The following PRKDC variants were observed in gnomAD, a reference collection of about 807,000 sequenced individuals.
The protein encoded by PRKDC is protein kinase, DNA-activated, catalytic subunit.
Under a neutral mutation model 486.9 loss-of-function variants are expected in PRKDC, and 82 were observed. The observed-to-expected ratio is 0.17, with a 90% confidence interval of 0.14 to 0.20. The LOEUF is 0.20. Among genes scored for constraint, PRKDC ranks in the 10% least tolerant of loss-of-function variants. PRKDC has a pLI of 1.00. For missense variants in PRKDC, 4,504 were observed against 5,038.2 expected (o/e 0.89, Z 3.21); for synonymous variants, 1,895 against 1,837.0 (o/e 1.03, Z -0.81).
intron 85 of PRKDC, 76 bp downstream of exon 85, chr8:47,776,768 T>C (rs2086615263): frequency 6.5e-7 from 1 of 1,538,892 alleles, no homozygotes; most frequent in Non-Finnish European, 8.9e-7. Flanking sequence ...CTCAGCACTT[T>C]GTATATATGT....
In PRKDC at chr8:47,947,475, T is replaced by C. The variant is rs77538735; in HGVS notation, c.722-3446A>G. On this transcript the variant is annotated intron_variant, in intron 7 of 85. Coordinates refer to ENST00000314191, the MANE Select transcript of PRKDC (RefSeq NM_006904.7). The stretch of plus-strand genomic sequence containing the variant: ...CCAAGTTCATCACTCTTTAGATAGA[T>C]GGCACCCATGGCCAGGCACAGTGCC... Among the ~76,000 whole-genome samples, 79 of 152,322 alleles carry C rather than the reference T, an allele frequency of 5.2e-4. 1 individual carries two copies. In the East Asian group the frequency reaches 0.014, roughly 28 times the overall value.
chr8:47,862,252 C>A, intron 43 of PRKDC, 121 bp downstream of exon 43: 1 of 1,340,366 alleles, frequency 7.5e-7, no homozygotes, highest in Non-Finnish European at 1.0e-6. Flanking sequence ...TATACCTATG[C>A]AGAATTAAAC....
At chr8:47,793,584 C>T (rs2086921659) in intron 74 of PRKDC, among the ~76,000 whole-genome samples, 1 of 149,580 alleles carries the variant, frequency 6.7e-6, no homozygotes, top group Non-Finnish European at 1.5e-5. Context: ...GAGGTTGCAG[C>T]CGAGATTGCA....
Position 47,828,369 on chromosome 8 carries a change from G to A in PRKDC, c.8398-22C>T, listed in dbSNP as rs749692925. Reference sequence around the variant, plus strand: ...CCCTCTGTAAAAAATTCAAAACAAAGACAAATTAGGATCTGAAGCAAAAAT... The same window carrying A: ...CCCTCTGTAAAAAATTCAAAACAAAAACAAATTAGGATCTGAAGCAAAAAT... On this transcript the variant is annotated intron_variant, in intron 61 of 85. Coordinates refer to ENST00000314191, the MANE Select transcript of PRKDC (RefSeq NM_006904.7). The A allele has an allele frequency of 8.5e-6, 13 of 1,529,870 alleles. No homozygotes were observed. The Admixed American group carries it at 2.8e-4, about 34-fold the overall frequency. 94.8% of individuals were successfully genotyped at this position (1,529,870 alleles called of 1,614,324 possible).
In PRKDC at chr8:47,885,958, C is replaced by T. The variant is rs371148497; in HGVS notation, c.4762G>A (p.Asp1588Asn). 4 of 1,613,126 alleles carry T rather than the reference C, an allele frequency of 2.5e-6. No individual in the cohort carries two copies. The highest frequency in any genetic ancestry group is 3.4e-6 in the Non-Finnish European group (4 of 1,179,258). Reference protein sequence around the residue: ...AVLELMQSSVDNTKMVSAVLN... With the variant: ...AVLELMQSSVNNTKMVSAVLN... ...AACTTTGTTACCATTTTGGTATTAT[C>T]CACTGAAGACTGCATGAGCTCCAAT... The change falls in exon 36 of 86, where the codon GAT (aspartate) becomes AAT (asparagine). Residue 1588 changes from aspartate to asparagine, a missense_variant. Transcript: ENST00000314191.
chr8:47,874,631 TG>T (rs1222315382), intron 40 of PRKDC, among the ~76,000 whole-genome samples: 1 of 151,676 alleles, frequency 6.6e-6, no homozygotes, highest in Non-Finnish European at 1.5e-5. Context: ...TGGTGGTGTG[TG>T]CCTGTAGTCT....
chr8:47,829,936 T>G (rs751521180), intron 61 of PRKDC, among the ~76,000 whole-genome samples: 3 of 152,230 alleles, frequency 2.0e-5, no homozygotes, highest in Admixed American at 6.5e-5. Context: ...ATTCTAAAAT[T>G]CATATGGAAC....
At chr8:47,836,314 G>A (rs1167531144) in intron 58 of PRKDC, 24 bp downstream of exon 58, 8 of 1,527,466 alleles carry the variant, frequency 5.2e-6, no homozygotes, top group Non-Finnish European at 7.0e-6. Flanking sequence ...TGTATACATG[G>A]CCAGCGGGCA....
At chr8:47,866,181 A>G in intron 40 of PRKDC, among the ~76,000 whole-genome samples, 2 of 142,854 alleles carry the variant, frequency 1.4e-5, no homozygotes, top group East Asian at 2.1e-4. Context: ...AAAAAAAAAG[A>G]GGCCCTAGAG....
At chr8:47,909,175 T>C (rs1388149542) in intron 25 of PRKDC, among the ~76,000 whole-genome samples, 3 of 152,236 alleles carry the variant, frequency 2.0e-5, no homozygotes, top group Admixed American at 2.0e-4. Flanking sequence ...CTGATGTTTC[T>C]TCTGTTGTGG....
chr8:47,954,175 T>C (rs975218676), intron 5 of PRKDC, among the ~76,000 whole-genome samples, 163 bp downstream of exon 5: 5 of 152,236 alleles, frequency 3.3e-5, no homozygotes, highest in African/African-American at 4.8e-5. Flanking sequence ...TGAAGGGAAG[T>C]CTTCACATGT....
intron 27 of PRKDC, among the ~76,000 whole-genome samples, chr8:47,902,281 C>G (rs946402426): frequency 6.6e-6 from 1 of 152,216 alleles, no homozygotes; most frequent in Non-Finnish European, 1.5e-5. Flanking sequence ...CTTGCTCACC[C>G]TGGATCAGCT....
intron 78 of PRKDC, among the ~76,000 whole-genome samples, chr8:47,783,247 C>T (rs941688114): frequency 6.9e-6 from 1 of 144,768 alleles, no homozygotes; most frequent in Admixed American, 7.1e-5. Context: ...CACTGCACTC[C>T]AGCCTGGCTG....
chr8:47,842,934 G>A (rs974242772), intron 54 of PRKDC, among the ~76,000 whole-genome samples: 1 of 152,188 alleles, frequency 6.6e-6, no homozygotes, highest in African/African-American at 2.4e-5. Context: ...GGAAGCTGAG[G>A]CAGGTAGATT....
intron 74 of PRKDC, among the ~76,000 whole-genome samples, chr8:47,789,983 T>C (rs976313436): frequency 2.6e-5 from 4 of 152,164 alleles, no homozygotes; most frequent in African/African-American, 9.7e-5. Flanking sequence ...ACTGAAAAAC[T>C]GAAAACCTTT....
rs1450338536 is a variant in PRKDC at position 47,782,508 on chromosome 8, C to T, written c.11266G>A (p.Glu3756Lys). 1.3e-6 allele frequency: 2 copies of T among 1,577,116 alleles called. No individual in the cohort carries two copies. The highest frequency in any genetic ancestry group is 1.7e-6 in the Non-Finnish European group (2 of 1,161,864). ...REHPFLVKGGEDLRQDQRVEQ... is the reference protein window; with the variant it reads ...REHPFLVKGGKDLRQDQRVEQ... The stretch of plus-strand genomic sequence containing the variant: ...ACGCGCTGGTCCTGCCGCAGGTCCT[C>T]GCCACCCTTCACCAGGAAAGGGTGT... The change falls in exon 79 of 86, where the codon GAG (glutamate) becomes AAG (lysine). Residue 3756 changes from glutamate to lysine, a missense_variant. Glu to Lys is a moderately conservative substitution (Grantham distance 56). This residue lies in a region of PRKDC where 706 missense variants were observed against 945.0 expected (regional missense o/e 0.75). Coordinates refer to ENST00000314191, the MANE Select transcript of PRKDC (RefSeq NM_006904.7). This position sits in a 1 kb window ranked among gnomAD's most constrained non-coding sequence, Gnocchi z 4.9.
intron 7 of PRKDC, among the ~76,000 whole-genome samples, chr8:47,944,484 T>TAAAAAAAAAAAAAAAAAAAAAAAA (rs75220935): frequency 1.0e-5 from 1 of 99,016 alleles, no homozygotes; most frequent in Non-Finnish European, 2.4e-5. Context: ...AGAAAAAAAT[T>TAAAAAAAAAAAAAAAAAAAAAAAA]AAAAAAAAAA....
chr8:47,834,460 C>T lies in PRKDC; in HGVS notation c.7952-64G>A, dbSNP rs2087962508. On this transcript the variant is annotated intron_variant, in intron 58 of 85. Transcript: ENST00000314191. ...ACCCAGCTCTGTGCACGGGGCAGGA[C>T]CACCTGCCAGGACACACCTGGTGGC... 6 of 1,534,668 alleles carry T rather than the reference C, an allele frequency of 3.9e-6. No individual in the cohort carries two copies. In the Admixed American group the frequency reaches 5.2e-5, roughly 13 times the overall value.
chr8:47,856,418 T>C (rs1415459818), intron 49 of PRKDC, among the ~76,000 whole-genome samples: 1 of 152,116 alleles, frequency 6.6e-6, no homozygotes, highest in Non-Finnish European at 1.5e-5. Context: ...TTAGTACAGA[T>C]AAGGTTTCAC....
Sources: gnomAD v4.1 joint callset for allele counts (sites outside exome capture counted in the v4.1 genomes callset) on GRCh38, gnomAD v4.1.1 for gene constraint, gnomAD v4.1.1 regional missense constraint, Gnocchi (gnomAD v3.1) non-coding constraint, MANE v1.5 for transcripts, NCBI Gene and HGNC (gene_info 2026-07-23, HGNC 2026-07-21) for gene names.